Variants in METTL15 observed in about 807,000 individuals in gnomAD.
METTL15 encodes methyltransferase 15, mitochondrial 12S rRNA N4-cytidine.
A neutral mutation model predicts 38.3 loss-of-function variants in METTL15; 34 were observed. That is an observed-to-expected ratio of 0.89 (90% CI 0.68 to 1.18). The LOEUF is 1.18. Among genes scored for constraint, METTL15 ranks in the 50% most tolerant of loss-of-function variants. The pLI is 0.00. For missense variants in METTL15, 438 were observed against 498.4 expected, an observed-to-expected ratio of 0.88 and a Z score of 1.15; for synonymous variants, 162 against 170.9, an observed-to-expected ratio of 0.95 and a Z score of 0.41.
intron 5 of METTL15, among the ~76,000 whole-genome samples, chr11:28,372,933 T>C (rs931199024): frequency 1.3e-5 from 2 of 151,050 alleles, no homozygotes; most frequent in Non-Finnish European, 3.0e-5. Flanking sequence ...TCCATGTCCC[T>C]ACAAAGGACA....
At chr11:28,210,705 A>G (rs1238643601) in intron 3 of METTL15, among the ~76,000 whole-genome samples, 3 of 151,990 alleles carry the variant, frequency 2.0e-5, no homozygotes, top group South Asian at 2.1e-4. Flanking sequence ...GCCATCTCTA[A>G]ATGAGAAATT....
At chr11:28,299,435 G>A (rs1439831333) in intron 6 of METTL15, among the ~76,000 whole-genome samples, 1 of 152,060 alleles carries the variant, frequency 6.6e-6, no homozygotes, top group East Asian at 1.9e-4. Flanking sequence ...AACTGCAGCT[G>A]TCTTTCCTTT....
At chr11:28,531,326 C>T (rs1851842270), downstream of METTL15, among the ~76,000 whole-genome samples, 2 of 151,890 alleles carry the variant, frequency 1.3e-5, no homozygotes, top group Non-Finnish European at 2.9e-5. Context: ...TTAGTTCAAC[C>T]AATGTTGATA....
intron 3 of METTL15, among the ~76,000 whole-genome samples, chr11:28,166,332 A>G (rs1431478734): frequency 2.0e-5 from 3 of 152,178 alleles, no homozygotes; most frequent in Admixed American, 6.5e-5. Flanking sequence ...GTGCCTGGAT[A>G]TGATGTAGGA....
intron 6 of METTL15, among the ~76,000 whole-genome samples, chr11:28,486,491 C>G (rs1399423500): frequency 6.6e-6 from 1 of 151,830 alleles, no homozygotes; most frequent in East Asian, 1.9e-4. Context: ...GAGTGGACTT[C>G]TATGATTTTC....
At chr11:28,152,676 T>A (rs1023090501) in intron 3 of METTL15, among the ~76,000 whole-genome samples, 2 of 152,014 alleles carry the variant, frequency 1.3e-5, no homozygotes, top group African/African-American at 2.4e-5. Context: ...AAGTTCCTTA[T>A]ATAAAATGAT....
chr11:28,183,748 G>A (rs966996779), intron 3 of METTL15, among the ~76,000 whole-genome samples: 1 of 151,914 alleles, frequency 6.6e-6, no homozygotes, highest in African/African-American at 2.4e-5. Flanking sequence ...GCCAGGTTTT[G>A]GTATCAGGAT....
intron 6 of METTL15, among the ~76,000 whole-genome samples, chr11:28,504,197 CAAAAAA>C (rs376321913): frequency 5.6e-5 from 4 of 71,158 alleles, no homozygotes; most frequent in Non-Finnish European, 7.5e-5. Context: ...AACTCTGTCT[CAAAAAA>C]AAAAAAAAAA....
At chr11:28,236,970 A>C (rs924742443) in intron 4 of METTL15, among the ~76,000 whole-genome samples, 5 of 152,192 alleles carry the variant, frequency 3.3e-5, no homozygotes, top group East Asian at 1.9e-4. Flanking sequence ...CTGAGAGATC[A>C]GCTGTTAGTC....
chr11:28,433,864 C>T (rs2133434004), intron 6 of METTL15, among the ~76,000 whole-genome samples: 1 of 152,152 alleles, frequency 6.6e-6, no homozygotes, highest in East Asian at 1.9e-4. Flanking sequence ...TCTCCAATAC[C>T]ACTGAGAATC....
intron 4 of METTL15, among the ~76,000 whole-genome samples, chr11:28,227,101 T>G (rs1853511083): frequency 6.6e-6 from 1 of 151,890 alleles, no homozygotes; most frequent in Non-Finnish European, 1.5e-5. Context: ...CTGAAGCTGT[T>G]TTTTTGAGGA....
At chr11:28,215,416 G>T (rs1449883480) in intron 4 of METTL15, among the ~76,000 whole-genome samples, 1 of 152,010 alleles carries the variant, frequency 6.6e-6, no homozygotes, top group Non-Finnish European at 1.5e-5. Context: ...CGTTGGAGAA[G>T]AGGGAATCTA....
At chr11:28,310,938 G>A (rs1435114595) in intron 6 of METTL15, among the ~76,000 whole-genome samples, 8 of 141,724 alleles carry the variant, frequency 5.6e-5, no homozygotes, top group Non-Finnish European at 9.2e-5. Context: ...GGTGGTGGTG[G>A]TGGTGGTGGT....
intron 3 of METTL15, among the ~76,000 whole-genome samples, chr11:28,192,096 T>G (rs918864333): frequency 2.6e-5 from 4 of 151,820 alleles, no homozygotes; most frequent in African/African-American, 9.7e-5. Context: ...GTGTGTCTTC[T>G]CCTGATGAGG....
chr11:28,289,574 C>T (rs1856427242), intron 4 of METTL15, among the ~76,000 whole-genome samples: 2 of 152,102 alleles, frequency 1.3e-5, no homozygotes, highest in Non-Finnish European at 2.9e-5. Flanking sequence ...ATTAGTATAG[C>T]TGCAAGGTGA....
chr11:28,476,591 G>A (rs1004688764), intron 6 of METTL15, among the ~76,000 whole-genome samples: 5 of 152,112 alleles, frequency 3.3e-5, no homozygotes, highest in African/African-American at 1.2e-4. Context: ...GTTCTAAACA[G>A]GTTAATCAAT....
intron 4 of METTL15, among the ~76,000 whole-genome samples, chr11:28,271,187 C>T (rs886773078): frequency 2.0e-4 from 30 of 152,148 alleles, no homozygotes; most frequent in African/African-American, 6.8e-4. Flanking sequence ...GACATTTTCA[C>T]ACCCCACCTA....
At chr11:28,128,702 G>C (rs184483692) in intron 3 of METTL15, among the ~76,000 whole-genome samples, 1 of 152,234 alleles carries the variant, frequency 6.6e-6, no homozygotes, top group Non-Finnish European at 1.5e-5. Context: ...TCAGGGATAT[G>C]GGATTTGCTG....
intron 5 of METTL15, among the ~76,000 whole-genome samples, chr11:28,384,551 G>A (rs190847954): frequency 4.1e-4 from 62 of 152,106 alleles, no homozygotes; most frequent in African/African-American, 1.5e-3. Flanking sequence ...CTCAGATGAT[G>A]CACTTGCCTT....
Sources: allele counts gnomAD v4.1 joint callset (sites outside exome capture counted in the v4.1 genomes callset), GRCh38; gene constraint gnomAD v4.1.1; transcripts MANE v1.5; gene names NCBI Gene and HGNC (gene_info 2026-07-23, HGNC 2026-07-21).